Variants in KIF1B observed in about 807,000 individuals in gnomAD.
KIF1B encodes kinesin family member 1B.
In KIF1B, 76 loss-of-function variants were observed where a neutral mutation model predicts 241.9. That is an observed-to-expected ratio of 0.31 (90% CI 0.26 to 0.38). The LOEUF is 0.38. Among genes scored for constraint, KIF1B ranks in the 10% least tolerant of loss-of-function variants. The pLI is 1.00. For missense variants in KIF1B, 1,622 were observed against 2,271.4 expected, an observed-to-expected ratio of 0.71 and a Z score of 5.81; for synonymous variants, 750 against 796.7, an observed-to-expected ratio of 0.94 and a Z score of 0.99.
At chr1:10,350,127 A>G (rs1021005858) in intron 37 of KIF1B, among the ~76,000 whole-genome samples, 2 of 151,642 alleles carry the variant, frequency 1.3e-5, no homozygotes, top group African/African-American at 2.4e-5. Context: ...CGTCTCTACT[A>G]AAAATACAAA....
intron 15 of KIF1B, among the ~76,000 whole-genome samples, chr1:10,283,555 A>G (rs1174284089): frequency 1.3e-5 from 2 of 152,346 alleles, no homozygotes; most frequent in African/African-American, 4.8e-5. Flanking sequence ...TTCCTCCTCA[A>G]TTAATTCAGT....
intron 14 of KIF1B, among the ~76,000 whole-genome samples, 153 bp downstream of exon 14, chr1:10,279,291 C>T (rs1334720710): frequency 6.6e-6 from 1 of 152,146 alleles, no homozygotes; most frequent in Admixed American, 6.6e-5. Context: ...CCTATTTTTG[C>T]CCTTCTTCAT....
chr1:10,358,103 A>C (rs34527679), intron 38 of KIF1B, among the ~76,000 whole-genome samples: 3 of 77,406 alleles, frequency 3.9e-5, no homozygotes, highest in African/African-American at 2.3e-4. Context: ...AGTCCAAAGC[A>C]AAAAAAAAAA....
intron 22 of KIF1B, chr1:10,306,382 CT>C: frequency 4.8e-6 from 5 of 1,035,076 alleles, no homozygotes; most frequent in Non-Finnish European, 4.7e-6. Flanking sequence ...CCCAGTTGTC[CT>C]TTTTTATTCC....
Position 10,334,600 on chromosome 1 carries a change from T to C in KIF1B, c.3005T>C (p.Val1002Ala). The change falls in exon 28 of 49, where the codon GTG becomes GCG. Residue 1002 changes from valine (V) to alanine (A), a missense_variant. Val to Ala is a moderately conservative substitution (Grantham distance 64). Coordinates refer to ENST00000676179, the MANE Select transcript of KIF1B (RefSeq NM_001365951.3). Reference sequence around the variant, plus strand: ...GCCATCGTCAGTGAGAAAGGTGAAGTGCGGGGATTTCTGCGTGTGGCTGTA... The same window carrying C: ...GCCATCGTCAGTGAGAAAGGTGAAGCGCGGGGATTTCTGCGTGTGGCTGTA... The part of the protein sequence containing the change: ...RVAIVSEKGE[V>A]RGFLRVAVQA... 1 of 1,613,992 alleles carries C rather than the reference T, an allele frequency of 6.2e-7. No individual in the cohort carries two copies. The highest frequency in any genetic ancestry group is 1.3e-5 in the African/African-American group (1 of 75,022).
rs1638902067 is a variant in KIF1B at position 10,376,798 on chromosome 1, T to C, written c.*211T>C. ...TTTCTTGTGCTGAGAATCTCGTTAG[T>C]AGCATGTGGCCTAACAAAAGGAAAA... On this transcript the variant is annotated 3_prime_UTR_variant, in exon 49 of 49. Transcript: ENST00000676179. 1 of 572,824 alleles carries C rather than the reference T, an allele frequency of 1.7e-6. No individual in the cohort carries two copies. Among genetic ancestry groups the C allele is most frequent in the South Asian group, 1.8e-5 (1 of 54,242 alleles). The allele number at this position is 572,824 out of a possible 1,614,324, so 35.5% of individuals were successfully genotyped here.
intron 2 of KIF1B, among the ~76,000 whole-genome samples, chr1:10,236,924 T>G (rs1647065268): frequency 6.6e-6 from 1 of 152,142 alleles, no homozygotes; most frequent in South Asian, 2.1e-4. Context: ...TGTACACATG[T>G]GTTAGCTGCA....
In KIF1B at chr1:10,379,757, G is replaced by A; in HGVS notation, c.*3170G>A. 1 of 230,554 alleles carries A rather than the reference G, an allele frequency of 4.3e-6. No homozygotes were observed. The highest frequency in any genetic ancestry group is 8.6e-6 in the Non-Finnish European group (1 of 116,568). The allele number at this position is 230,554 out of a possible 1,614,324, so 14.3% of individuals were successfully genotyped here. On this transcript the variant is annotated 3_prime_UTR_variant, in exon 49 of 49. Coordinates refer to ENST00000676179, the MANE Select transcript of KIF1B (RefSeq NM_001365951.3). ...CTTTCTCCCATCAAAGCAAAATATG[G>A]CCTCACCACCAGCCCCAAATCAGTG...
chr1:10,238,777 C>CT (rs978625048), intron 2 of KIF1B, among the ~76,000 whole-genome samples: 9 of 152,008 alleles, frequency 5.9e-5, no homozygotes, highest in Non-Finnish European at 1.0e-4. Flanking sequence ...AATTTGTATA[C>CT]TTTTTTTAGT....
intron 41 of KIF1B, among the ~76,000 whole-genome samples, chr1:10,364,556 ACAT>A (rs1301545111): frequency 2.6e-5 from 4 of 152,024 alleles, no homozygotes; most frequent in Non-Finnish European, 4.4e-5. Context: ...TTTTCACCTA[ACAT>A]CATAATTTTA....
intron 1 of KIF1B, among the ~76,000 whole-genome samples, chr1:10,215,164 ATATATATATTTTTT>A (rs1180329085): frequency 2.7e-4 from 19 of 70,924 alleles, no homozygotes; most frequent in African/African-American, 1.4e-3. Context: ...ATATATATAT[ATATATATATTTTTT>A]TTTTTTTTTT....
At chr1:10,273,754 C>G (rs1376106432) in intron 10 of KIF1B, among the ~76,000 whole-genome samples, 2 of 128,904 alleles carry the variant, frequency 1.6e-5, no homozygotes, top group South Asian at 5.0e-4. Flanking sequence ...ACAAACACCA[C>G]AAGACTAGCC....
intron 14 of KIF1B, among the ~76,000 whole-genome samples, chr1:10,280,121 A>T (rs1557684834): frequency 6.6e-6 from 1 of 152,206 alleles, no homozygotes; most frequent in Non-Finnish European, 1.5e-5. Flanking sequence ...GTTGGTGAGG[A>T]AATTATTTCT....
intron 22 of KIF1B, among the ~76,000 whole-genome samples, chr1:10,302,515 T>C (rs1455376155): frequency 1.3e-5 from 2 of 152,344 alleles, no homozygotes; most frequent in Non-Finnish European, 1.5e-5. Context: ...ACATCATCCC[T>C]GTTTGACTGC....
intron 3 of KIF1B, among the ~76,000 whole-genome samples, chr1:10,257,357 C>T (rs1172195043): frequency 6.6e-6 from 1 of 150,934 alleles, no homozygotes; most frequent in African/African-American, 2.4e-5. Flanking sequence ...GCCTGTAATC[C>T]CAGCTACTTG....
Position 10,352,699 on chromosome 1 carries a change from T to A in KIF1B, c.4018T>A (p.Ser1340Thr). ...VDAILSLNII[S>T]AKYLKSSHNS... ...TGCCATCCTCTCCCTAAATATTATT[T>A]CTGCCAAGTACCTGAAGTCTTCCCA... The change falls in exon 38 of 49, where the codon TCT becomes ACT. Residue 1340 changes from serine to threonine, a missense_variant. Transcript: ENST00000676179. The A allele has an allele frequency of 6.2e-7, 1 of 1,614,118 alleles. No homozygotes were observed.
intron 22 of KIF1B, among the ~76,000 whole-genome samples, chr1:10,318,741 C>T (rs1462321033): frequency 6.6e-6 from 1 of 152,040 alleles, no homozygotes; most frequent in African/African-American, 2.4e-5. Flanking sequence ...GGAGGAAACC[C>T]TGGCAGTAAA....
intron 38 of KIF1B, 56 bp from the exon 39 acceptor site, chr1:10,360,873 G>C (rs778166568): frequency 8.7e-7 from 1 of 1,145,546 alleles, no homozygotes; most frequent in Non-Finnish European, 1.3e-6. Flanking sequence ...GCAGTACCTG[G>C]ACTAACGTGA....
intron 22 of KIF1B, among the ~76,000 whole-genome samples, chr1:10,301,411 AT>A (rs1359776828): frequency 2.0e-5 from 3 of 152,094 alleles, no homozygotes; most frequent in Admixed American, 6.6e-5. Context: ...CACCCCTGTA[AT>A]CCCAGCACTT....
Sources: allele counts gnomAD v4.1 joint callset (sites outside exome capture counted in the v4.1 genomes callset), GRCh38; gene constraint gnomAD v4.1.1; transcripts MANE v1.5; gene names NCBI Gene and HGNC (gene_info 2026-07-23, HGNC 2026-07-21).